TESK2: variants seen among roughly 807,000 people sequenced by gnomAD.
TESK2 encodes dual specificity testis-specific protein kinase 2.
TESK2 carries 39 observed loss-of-function variants against 57.1 expected under a neutral mutation model. The observed-to-expected ratio is 0.68, with a 90% CI of 0.53 to 0.89. TESK2 has a LOEUF of 0.89. Ranked by LOEUF, TESK2 falls within the 40% of genes least tolerant of loss-of-function variation. The pLI, the probability that TESK2 is intolerant of heterozygous loss-of-function variation, is 0.00. For synonymous variants in TESK2, 249 were observed against 267.9 expected (o/e 0.93, Z 0.69); for missense variants, 646 against 732.1 (o/e 0.88, Z 1.36).
intron 4 of TESK2, among the ~76,000 whole-genome samples, chr1:45,370,920 G>A (rs1648152319): frequency 6.6e-6 from 1 of 152,092 alleles, no homozygotes; most frequent in African/African-American, 2.4e-5. Flanking sequence ...ATTCAAAAGT[G>A]GTACTGGCAT....
intron 1 of TESK2, among the ~76,000 whole-genome samples, chr1:45,485,629 C>T (rs1407057153): frequency 3.3e-5 from 5 of 151,716 alleles, no homozygotes; most frequent in African/African-American, 1.2e-4. Flanking sequence ...AGTGATTCTC[C>T]TGCCTCAGCC....
At chr1:45,485,138 A>G (rs1471872264) in intron 1 of TESK2, among the ~76,000 whole-genome samples, 1 of 152,068 alleles carries the variant, frequency 6.6e-6, no homozygotes, top group Non-Finnish European at 1.5e-5. Context: ...GCATGGAACC[A>G]GGTTAATAAA....
chr1:45,345,887 G>A lies in TESK2; in HGVS notation c.987C>T (p.Pro329=). 3 of 1,613,720 alleles carry A rather than the reference G, an allele frequency of 1.9e-6. No individual in the cohort carries two copies. Among genetic ancestry groups the A allele is most frequent in the Non-Finnish European group, 1.7e-6 (2 of 1,179,754 alleles). The part of the protein sequence containing the change: ...EEQERDRKLQ[P]TARGLLEKAP... ...GGTCTAATCTCTTACCCCTGGCTGT[G>A]GGCTGCAGCTTCCTATCCCTCTCCT... Residue 329 remains proline, a synonymous_variant, in exon 10 of 11, where the codon CCC becomes CCT. Transcript: ENST00000372086.
At chr1:45,401,165 G>A (rs1467900521) in intron 3 of TESK2, among the ~76,000 whole-genome samples, 6 of 152,080 alleles carry the variant, frequency 3.9e-5, no homozygotes, top group Admixed American at 3.9e-4. Flanking sequence ...GGGAGGCCAA[G>A]GCAGGTGGAT....
At chr1:45,410,851 A>G (rs901834700) in intron 3 of TESK2, among the ~76,000 whole-genome samples, 1 of 152,052 alleles carries the variant, frequency 6.6e-6, no homozygotes, top group South Asian at 2.1e-4. Flanking sequence ...CCTTTGCAAA[A>G]GAGAAATCTG....
intron 4 of TESK2, among the ~76,000 whole-genome samples, chr1:45,360,827 CT>C (rs906299688): frequency 1.3e-5 from 2 of 151,822 alleles, no homozygotes; most frequent in Non-Finnish European, 2.9e-5. Flanking sequence ...AGATTTCTTT[CT>C]TTTTTTTGAG....
intron 4 of TESK2, among the ~76,000 whole-genome samples, chr1:45,384,381 A>ATCTGTCTGTCTGTCTGTCTG (rs201603264): frequency 7.4e-6 from 1 of 134,672 alleles, no homozygotes; most frequent in African/African-American, 2.9e-5. Context: ...CTATCTATCT[A>ATCTGTCTGTCTGTCTGTCTG]TCTATCTGTC....
At chr1:45,455,280 C>A (rs1017185076) in intron 2 of TESK2, among the ~76,000 whole-genome samples, 11 of 152,152 alleles carry the variant, frequency 7.2e-5, no homozygotes, top group Non-Finnish European at 1.3e-4. Flanking sequence ...GTTTTTCAGA[C>A]CCCTGAATTC....
chr1:45,473,671 A>G (rs1652861218), intron 1 of TESK2, among the ~76,000 whole-genome samples: 1 of 152,218 alleles, frequency 6.6e-6, no homozygotes, highest in African/African-American at 2.4e-5. Flanking sequence ...AAGCAAACGC[A>G]TTGGAGTACA....
At chr1:45,363,314 GC>G (rs561197265) in intron 4 of TESK2, among the ~76,000 whole-genome samples, 43 of 151,986 alleles carry the variant, frequency 2.8e-4, no homozygotes, top group African/African-American at 1.0e-3. Flanking sequence ...CTGTTTTCTT[GC>G]CCCCTTTTGC....
intron 2 of TESK2, among the ~76,000 whole-genome samples, chr1:45,422,851 C>A (rs1424980626): frequency 4.6e-5 from 7 of 151,076 alleles, no homozygotes; most frequent in Non-Finnish European, 7.4e-5. Flanking sequence ...CTCACTGAAA[C>A]CTCCACCTTC....
rs533649476 is a variant in TESK2 at position 45,385,325 on chromosome 1, C to T, written c.393+587G>A. 1.2e-5 allele frequency: 12 copies of T among 985,270 alleles called. No individual in the cohort carries two copies. In the African/African-American group the frequency reaches 2.1e-4, roughly 17 times the overall value. The allele number at this position is 985,270 out of a possible 1,614,324, so 61.0% of individuals were successfully genotyped here. A position where few individuals can be genotyped will look rare whatever the true frequency, so the allele number is the denominator to read the frequency against. On this transcript the variant is annotated intron_variant, in intron 4 of 10. Coordinates refer to ENST00000372086, the MANE Select transcript of TESK2 (RefSeq NM_007170.3). ...TGGCTCTAAAGAGAGTTCTCTGATCCTCGGAGGATGAATAATGACTATCAC... is the reference window on the plus strand; with the variant it reads ...TGGCTCTAAAGAGAGTTCTCTGATCTTCGGAGGATGAATAATGACTATCAC...
chr1:45,366,379 G>A (rs554499361), intron 4 of TESK2, among the ~76,000 whole-genome samples: 1 of 148,932 alleles, frequency 6.7e-6, no homozygotes, highest in African/African-American at 2.5e-5. Flanking sequence ...GAGCCACCAC[G>A]GCCAGCCACT....
chr1:45,453,465 G>T (rs1446466584), intron 2 of TESK2, among the ~76,000 whole-genome samples: 1 of 152,024 alleles, frequency 6.6e-6, no homozygotes, highest in Non-Finnish European at 1.5e-5. Context: ...TCAACAAATG[G>T]TGCTTGTAAA....
At chr1:45,394,116 G>GA (rs988307635) in intron 3 of TESK2, among the ~76,000 whole-genome samples, 1 of 151,848 alleles carries the variant, frequency 6.6e-6, no homozygotes, top group Non-Finnish European at 1.5e-5. Flanking sequence ...AGTTTCATAT[G>GA]ACATACAGAT....
chr1:45,443,889 G>A lies in TESK2; in HGVS notation c.222+13675C>T, dbSNP rs190671832. On this transcript the variant is annotated intron_variant, in intron 2 of 10. Transcript: ENST00000372086. ...AAGGGTAAAACAGTAAATATCTTAGGCTTTGAAGGCCAGGTACAGTGGCTC... is the reference window on the plus strand; with the variant it reads ...AAGGGTAAAACAGTAAATATCTTAGACTTTGAAGGCCAGGTACAGTGGCTC... 1.6e-4 allele frequency among the ~76,000 whole-genome samples: 24 copies of A among 152,132 alleles called. No individual in the cohort carries two copies. The East Asian group carries it at 3.7e-3, about 23-fold the overall frequency.
chr1:45,454,433 A>ATTATT (rs1185745062), intron 2 of TESK2, among the ~76,000 whole-genome samples: 1 of 151,410 alleles, frequency 6.6e-6, no homozygotes, highest in Non-Finnish European at 1.5e-5. Flanking sequence ...TTATTTTTTT[A>ATTATT]TTATTTTATT....
chr1:45,462,192 G>A (rs1652356600), intron 1 of TESK2, among the ~76,000 whole-genome samples: 1 of 151,978 alleles, frequency 6.6e-6, no homozygotes, highest in Admixed American at 6.6e-5. Flanking sequence ...AACATGCAAA[G>A]TTTGTCCTTC....
At chr1:45,451,456 C>T (rs1393075100) in intron 2 of TESK2, among the ~76,000 whole-genome samples, 1 of 152,134 alleles carries the variant, frequency 6.6e-6, no homozygotes, top group Non-Finnish European at 1.5e-5. Context: ...GCCATATGTG[C>T]CCTTGATTTG....
Sources: gnomAD v4.1 joint callset for allele counts (sites outside exome capture counted in the v4.1 genomes callset) on GRCh38, gnomAD v4.1.1 for gene constraint, MANE v1.5 for transcripts, NCBI Gene and HGNC (gene_info 2026-07-23, HGNC 2026-07-21) for gene names.